PSMD1: variants seen among roughly 807,000 people sequenced by gnomAD.
The protein encoded by PSMD1 is proteasome 26S subunit, non-ATPase 1.
A neutral mutation model predicts 119.0 loss-of-function variants in PSMD1; 18 were observed. The ratio of observed to expected loss-of-function variants is 0.15; its 90% confidence interval spans 0.10 to 0.22. The LOEUF is 0.22. PSMD1 is among the 10% of genes least tolerant of loss of function. The probability of loss-of-function intolerance (pLI) is 1.00; values close to 1 mark genes in which losing one functional copy is unlikely to be tolerated. For synonymous variants in PSMD1, 374 were observed against 396.6 expected, an observed-to-expected ratio of 0.94 and a Z score of 0.68; for missense variants, 702 against 1,158.5, an observed-to-expected ratio of 0.61 and a Z score of 5.72.
At chr2:231,098,912 C>T (rs766837359) in intron 16 of PSMD1, among the ~76,000 whole-genome samples, 9 of 152,128 alleles carry the variant, frequency 5.9e-5, no homozygotes, top group Middle Eastern at 3.2e-3. Context: ...AAAGTCGGGG[C>T]TGATCTCTTA....
At chr2:231,098,207 G>T (rs543039818) in intron 16 of PSMD1, among the ~76,000 whole-genome samples, 38 of 152,370 alleles carry the variant, frequency 2.5e-4, no homozygotes, top group Non-Finnish European at 4.7e-4. Context: ...GCTACAGGTT[G>T]TAAGTGGCTT....
At chr2:231,099,940 A>G (rs773506734) in intron 16 of PSMD1, among the ~76,000 whole-genome samples, 6 of 152,062 alleles carry the variant, frequency 3.9e-5, no homozygotes, top group Admixed American at 6.5e-5. Context: ...CTGTGCACAG[A>G]GTCATCGCTG....
chr2:231,075,903 T>A (rs1043989929), intron 8 of PSMD1, among the ~76,000 whole-genome samples: 1 of 152,202 alleles, frequency 6.6e-6, no homozygotes, highest in African/African-American at 2.4e-5. Flanking sequence ...GCGAGTGTGC[T>A]TTTTGAAGTT....
intron 16 of PSMD1, among the ~76,000 whole-genome samples, chr2:231,091,879 T>C (rs1036837982): frequency 2.0e-5 from 3 of 152,168 alleles, no homozygotes; most frequent in African/African-American, 7.2e-5. Context: ...ACACTTATGC[T>C]CCCAGTCACA....
At chr2:231,089,504 A>C (rs1694535099) in intron 16 of PSMD1, among the ~76,000 whole-genome samples, 1 of 152,094 alleles carries the variant, frequency 6.6e-6, no homozygotes, top group Non-Finnish European at 1.5e-5. Flanking sequence ...AATTATGCTA[A>C]AGCTGTTCTA....
intron 16 of PSMD1, among the ~76,000 whole-genome samples, chr2:231,106,162 T>C (rs1694969621): frequency 6.6e-6 from 1 of 152,174 alleles, no homozygotes; most frequent in African/African-American, 2.4e-5. Flanking sequence ...CTCTTTAAAG[T>C]ATTCATAAAA....
At chr2:231,110,247 G>C (rs1695110690) in intron 16 of PSMD1, among the ~76,000 whole-genome samples, 1 of 150,860 alleles carries the variant, frequency 6.6e-6, no homozygotes, top group South Asian at 2.1e-4. Flanking sequence ...TTGAACCCAG[G>C]AGGCCGAGGT....
intron 23 of PSMD1, among the ~76,000 whole-genome samples, chr2:231,168,970 G>A (rs780362376): frequency 6.6e-6 from 1 of 152,150 alleles, no homozygotes; most frequent in African/African-American, 2.4e-5. Context: ...TGAGGCAAGA[G>A]GAAGTGTTTC....
intron 17 of PSMD1, among the ~76,000 whole-genome samples, chr2:231,145,932 T>G (rs1246007757): frequency 2.0e-5 from 3 of 150,930 alleles, no homozygotes; most frequent in Non-Finnish European, 4.4e-5. Flanking sequence ...ATTGTACCAT[T>G]GTACAAAAAT....
intron 4 of PSMD1, among the ~76,000 whole-genome samples, chr2:231,065,063 A>G (rs545498422): frequency 6.7e-6 from 1 of 149,304 alleles, no homozygotes; most frequent in South Asian, 2.2e-4. Context: ...TTCAAGATAT[A>G]GACCCATTTA....
In PSMD1 at chr2:231,105,660, G is replaced by A. The variant is rs540054596; in HGVS notation, c.1883+18479G>A. Among the ~76,000 whole-genome samples, 457 of 151,886 alleles carry A rather than the reference G, an allele frequency of 3.0e-3. 2 individuals carry two copies. Among genetic ancestry groups the A allele is most frequent in the African/African-American group, 0.01 (431 of 41,418 alleles). On this transcript the variant is annotated intron_variant, in intron 16 of 24. Transcript: ENST00000308696. ...TATAAATTCATAAGCTTTTAGATAC[G>A]GATCTTGCAAGATGAACAACAGATT...
chr2:231,155,100 T>C (rs1243204778), intron 19 of PSMD1, among the ~76,000 whole-genome samples: 2 of 152,240 alleles, frequency 1.3e-5, no homozygotes, highest in South Asian at 2.1e-4. Context: ...AGATACATAC[T>C]TCATTCTTCA....
At chr2:231,140,929 G>A (rs959945542) in intron 17 of PSMD1, among the ~76,000 whole-genome samples, 1 of 152,092 alleles carries the variant, frequency 6.6e-6, no homozygotes, top group African/African-American at 2.4e-5. Flanking sequence ...AGCACTTTGG[G>A]CAACCAAGGC....
chr2:231,076,388 TG>T (rs796353214), intron 8 of PSMD1, among the ~76,000 whole-genome samples: 71 of 152,326 alleles, frequency 4.7e-4, no homozygotes, highest in African/African-American at 1.6e-3. Context: ...AGATCAAGGC[TG>T]GGCACTGTGG....
chr2:231,138,633 T>C, intron 16 of PSMD1, 103 bp from the exon 17 acceptor site: 1 of 763,438 alleles, frequency 1.3e-6, no homozygotes, highest in East Asian at 2.5e-5. Flanking sequence ...TAAATGCTCA[T>C]TGTTTCCTAT....
intron 24 of PSMD1, among the ~76,000 whole-genome samples, chr2:231,172,153 A>G (rs891462441): frequency 2.0e-5 from 3 of 152,202 alleles, no homozygotes; most frequent in Non-Finnish European, 2.9e-5. Flanking sequence ...GCTTTACCCA[A>G]CTTGCACAGT....
chr2:231,115,860 C>T (rs147792739), intron 16 of PSMD1, among the ~76,000 whole-genome samples: 2 of 152,116 alleles, frequency 1.3e-5, no homozygotes, highest in African/African-American at 4.8e-5. Flanking sequence ...GGTCTCATCT[C>T]AGACCTACTG....
chr2:231,060,072 G>A (rs572687133), intron 1 of PSMD1, among the ~76,000 whole-genome samples: 1 of 152,186 alleles, frequency 6.6e-6, no homozygotes, highest in African/African-American at 2.4e-5. Context: ...TGTTATTTAA[G>A]ATCTGTTCTA....
intron 8 of PSMD1, among the ~76,000 whole-genome samples, chr2:231,076,119 C>G (rs1694157868): frequency 1.3e-5 from 2 of 152,116 alleles, no homozygotes; most frequent in South Asian, 4.1e-4. Context: ...TTACTTCAGG[C>G]AGAAGTTATT....
Sources: gnomAD v4.1 joint callset for allele counts (sites outside exome capture counted in the v4.1 genomes callset) on GRCh38, gnomAD v4.1.1 for gene constraint, MANE v1.5 for transcripts, NCBI Gene and HGNC (gene_info 2026-07-23, HGNC 2026-07-21) for gene names.